GABBR2: variants seen among roughly 807,000 people sequenced by gnomAD.
GABBR2 encodes gamma-aminobutyric acid type B receptor subunit 2.
A neutral mutation model predicts 105.6 loss-of-function variants in GABBR2; 23 were observed. That is an observed-to-expected ratio of 0.22 (90% confidence interval 0.16 to 0.31). GABBR2 has a LOEUF of 0.31. GABBR2 is among the 10% of genes least tolerant of loss of function. The probability of loss-of-function intolerance (pLI) is 1.00; values close to 1 mark genes in which losing one functional copy is unlikely to be tolerated. For synonymous variants in GABBR2, 478 were observed against 499.7 expected, an observed-to-expected ratio of 0.96 and a Z score of 0.58; for missense variants, 734 against 1,245.5, an observed-to-expected ratio of 0.59 and a Z score of 6.18.
intron 4 of GABBR2, among the ~76,000 whole-genome samples, chr9:98,492,993 G>C (rs544390918): frequency 6.6e-6 from 1 of 152,282 alleles, no homozygotes; most frequent in African/African-American, 2.4e-5. Context: ...TACCTCTTTG[G>C]AGTGTGAAGT....
At chr9:98,551,678 G>A (rs1012192288) in intron 2 of GABBR2, among the ~76,000 whole-genome samples, 6 of 152,138 alleles carry the variant, frequency 3.9e-5, no homozygotes, top group African/African-American at 1.2e-4. Flanking sequence ...TTTCATGAGC[G>A]TTCAGGGCCT....
intron 1 of GABBR2, among the ~76,000 whole-genome samples, chr9:98,597,193 G>C (rs1829251209): frequency 6.6e-6 from 1 of 152,168 alleles, no homozygotes; most frequent in African/African-American, 2.4e-5. Flanking sequence ...ACCCCACCAA[G>C]ATTCCATACA....
At chr9:98,393,106 CCACTCATCCACT>C (rs1832218547) in intron 9 of GABBR2, among the ~76,000 whole-genome samples, 1 of 149,240 alleles carries the variant, frequency 6.7e-6, no homozygotes, top group Admixed American at 6.7e-5. Flanking sequence ...ATCCATCCAT[CCACTCATCCACT>C]CATCCACCCA....
intron 13 of GABBR2, among the ~76,000 whole-genome samples, chr9:98,349,906 T>C (rs1011733104): frequency 1.3e-5 from 2 of 152,198 alleles, no homozygotes; most frequent in African/African-American, 2.4e-5. Context: ...GGAGACTTCT[T>C]GTATGGATTC....
At chr9:98,551,656 T>G (rs1828487933) in intron 2 of GABBR2, among the ~76,000 whole-genome samples, 1 of 152,142 alleles carries the variant, frequency 6.6e-6, no homozygotes, top group African/African-American at 2.4e-5. Flanking sequence ...GCCTCTAGCC[T>G]GCCGTGATAT....
At chr9:98,496,169 T>C (rs954724544) in intron 4 of GABBR2, 1 of 538,860 alleles carries the variant, frequency 1.9e-6, no homozygotes, top group Non-Finnish European at 3.3e-6. Flanking sequence ...TTGAGAGATA[T>C]AAAACCATCA....
intron 8 of GABBR2, among the ~76,000 whole-genome samples, chr9:98,404,786 C>A (rs1832460189): frequency 6.6e-6 from 1 of 151,972 alleles, no homozygotes; most frequent in Admixed American, 6.6e-5. Flanking sequence ...ACAGAAAGTT[C>A]AACGCATGAC....
In GABBR2 at chr9:98,682,246, CA is replaced by C. The variant is rs201484439; in HGVS notation, c.321+26170del. ...TTCATCTCAGAAAAAAAAAACAAAACAAAAAAAAACCCAAAACAAACAAAAA... is the reference window on the plus strand; with the variant it reads ...TTCATCTCAGAAAAAAAAAACAAAACAAAAAAAACCCAAAACAAACAAAAA... On this transcript the variant is annotated intron_variant, in intron 1 of 18. Coordinates refer to ENST00000259455, the MANE Select transcript of GABBR2 (RefSeq NM_005458.8). Among the ~76,000 whole-genome samples, 190 of 136,262 alleles carry C rather than the reference CA, an allele frequency of 1.4e-3. No individual in the cohort carries two copies. In the East Asian group the frequency reaches 0.021, roughly 15 times the overall value. 89.4% of individuals were successfully genotyped at this position (136,262 alleles called of 152,430 possible).
chr9:98,499,554 A>G (rs1311937504), intron 3 of GABBR2, among the ~76,000 whole-genome samples: 1 of 152,238 alleles, frequency 6.6e-6, no homozygotes, highest in East Asian at 1.9e-4. Context: ...AAGCAAATGG[A>G]GGCAGTCAGT....
chr9:98,527,348 A>G (rs1480814954), intron 3 of GABBR2, among the ~76,000 whole-genome samples: 2 of 151,968 alleles, frequency 1.3e-5, no homozygotes, highest in Non-Finnish European at 2.9e-5. Context: ...GTCATTTACC[A>G]CTATGCAGTA....
chr9:98,559,067 G>A (rs1828630359), intron 2 of GABBR2, among the ~76,000 whole-genome samples: 1 of 152,000 alleles, frequency 6.6e-6, no homozygotes, highest in Non-Finnish European at 1.5e-5. Flanking sequence ...ACTGTTCTAG[G>A]TAGTTTTTAT....
At chr9:98,629,801 C>G (rs987339179) in intron 1 of GABBR2, among the ~76,000 whole-genome samples, 6 of 152,158 alleles carry the variant, frequency 3.9e-5, no homozygotes, top group African/African-American at 1.4e-4. Context: ...AAGCAAAGGT[C>G]ACTGAAGTTA....
chr9:98,624,811 G>A (rs1049303440), intron 1 of GABBR2, among the ~76,000 whole-genome samples: 3 of 152,186 alleles, frequency 2.0e-5, no homozygotes, highest in Admixed American at 6.5e-5. Context: ...TAGGAGCCCC[G>A]AGCCCGGGGC....
intron 5 of GABBR2, among the ~76,000 whole-genome samples, chr9:98,479,979 TC>T (rs1437117363): frequency 1.3e-5 from 2 of 152,138 alleles, no homozygotes; most frequent in African/African-American, 4.8e-5. Context: ...AATCAAACAT[TC>T]CAACCTGTTA....
chr9:98,635,398 G>A (rs1829862302), intron 1 of GABBR2, among the ~76,000 whole-genome samples: 1 of 152,150 alleles, frequency 6.6e-6, no homozygotes, highest in South Asian at 2.1e-4. Flanking sequence ...TGGGGAGGAT[G>A]GGAGTTGAGG....
At chr9:98,471,946 T>C (rs867253909) in intron 6 of GABBR2, among the ~76,000 whole-genome samples, 1 of 152,260 alleles carries the variant, frequency 6.6e-6, no homozygotes, top group African/African-American at 2.4e-5. Context: ...CAACATTTTC[T>C]AACCAGGTGC....
chr9:98,526,592 AT>A (rs1338558112), intron 3 of GABBR2, among the ~76,000 whole-genome samples: 1 of 151,998 alleles, frequency 6.6e-6, no homozygotes, highest in Admixed American at 6.5e-5. Flanking sequence ...TTTGCTCATT[AT>A]TTTTTTAAAT....
chr9:98,657,212 G>A (rs1571931), intron 1 of GABBR2, among the ~76,000 whole-genome samples: 141,379 of 152,292 alleles, frequency 0.93, 65,752 homozygotes, highest in Middle Eastern at 0.97. Flanking sequence ...GCTTTACCCA[G>A]CTTTAAGTGT....
At chr9:98,479,079 A>G (rs1376603571) in intron 5 of GABBR2, among the ~76,000 whole-genome samples, 1 of 152,098 alleles carries the variant, frequency 6.6e-6, no homozygotes, top group Non-Finnish European at 1.5e-5. Context: ...TAAAATTTTT[A>G]TATCTATTCA....
Sources: allele counts gnomAD v4.1 joint callset (sites outside exome capture counted in the v4.1 genomes callset), GRCh38; gene constraint gnomAD v4.1.1; transcripts MANE v1.5; gene names NCBI Gene and HGNC (gene_info 2026-07-23, HGNC 2026-07-21).